The following WNT5B variants were observed in gnomAD, a reference collection of about 807,000 sequenced individuals.
WNT5B encodes protein Wnt-5b.
In WNT5B, 18 loss-of-function variants were observed where a neutral mutation model predicts 36.5. That is an observed-to-expected ratio of 0.49 (90% CI 0.34 to 0.73). The LOEUF (loss-of-function observed/expected upper bound fraction) is 0.73, where lower values mean the gene tolerates loss of function less well. WNT5B is among the 30% of genes least tolerant of loss of function. The pLI, the probability that WNT5B is intolerant of heterozygous loss-of-function variation, is 0.01. For missense variants in WNT5B, 424 were observed against 508.4 expected (o/e 0.83, Z 1.60); for synonymous variants, 213 against 212.3 (o/e 1.00, Z -0.03).
Position 1,632,508 on chromosome 12 carries a change from G to A in WNT5B, c.81-150G>A. The A allele has an allele frequency of 8.6e-7, 1 of 1,157,888 alleles. No individual in the cohort carries two copies. Among genetic ancestry groups the A allele is most frequent in the Non-Finnish European group, 1.2e-6 (1 of 830,750 alleles). The allele number at this position is 1,157,888 out of a possible 1,614,324, so 71.7% of individuals were successfully genotyped here. ...AGATTCCTTCAGTTTGTCCTTTGAA[G>A]GCCAGCACTCTGATTTACTAATTTT... is the stretch of plus-strand genomic sequence containing the variant. On this transcript the variant is annotated intron_variant, in intron 2 of 4. Transcript: ENST00000397196. The surrounding 1 kb of genome is among the most constrained non-coding windows in gnomAD (Gnocchi z 5.8).
chr12:1,632,292 C>T lies in WNT5B; in HGVS notation c.81-366C>T, dbSNP rs1485297568. Among the ~76,000 whole-genome samples, 1 of 152,118 alleles carries T rather than the reference C, an allele frequency of 6.6e-6. No individual in the cohort carries two copies. Among genetic ancestry groups the T allele is most frequent in the Non-Finnish European group, 1.5e-5 (1 of 68,030 alleles). ...CCCTCTATTAAAATGAAGAGCTGCT[C>T]CCCACCCCTCGTCTTCTTATCTGCC... On this transcript the variant is annotated intron_variant, in intron 2 of 4. Coordinates refer to ENST00000397196, the MANE Select transcript of WNT5B (RefSeq NM_032642.3). This position sits in a 1 kb window ranked among gnomAD's most constrained non-coding sequence, Gnocchi z 5.8.
intron 4 of WNT5B, 97 bp from the exon 5 acceptor site, chr12:1,645,697 G>C: frequency 8.8e-7 from 1 of 1,142,530 alleles, no homozygotes; most frequent in Middle Eastern, 2.7e-4. Flanking sequence ...TACCCTACCG[G>C]CCCCTCCTGT....
Position 1,646,820 on chromosome 12 carries a change from A to C in WNT5B, c.*568A>C, listed in dbSNP as rs536986886. On this transcript the variant is annotated 3_prime_UTR_variant, in exon 5 of 5. Coordinates refer to ENST00000397196, the MANE Select transcript of WNT5B (RefSeq NM_032642.3). Reference sequence around the variant, plus strand: ...GCTCCTTCCCTAAAATGAGAAGTCCAAGGTCATCTCTGGCCCAGTGACCAC... The same window carrying C: ...GCTCCTTCCCTAAAATGAGAAGTCCCAGGTCATCTCTGGCCCAGTGACCAC... 4.6e-5 allele frequency: 7 copies of C among 152,364 alleles called. No individual in the cohort carries two copies. The East Asian group carries it at 1.3e-3, about 29-fold the overall frequency. 9.4% of individuals were successfully genotyped at this position (152,364 alleles called of 1,614,324 possible).
intron 4 of WNT5B, among the ~76,000 whole-genome samples, chr12:1,641,528 C>T (rs771292835): frequency 4.0e-5 from 6 of 151,650 alleles, no homozygotes; most frequent in Admixed American, 6.6e-5. Context: ...AGAGGCGGGG[C>T]ACGGTGGCTG....
At position 1,630,266 on chromosome 12, in the gene WNT5B, G is replaced by A. The variant is rs2094547902; in HGVS notation, c.-58+895G>A. 14 of 982,498 alleles carry A rather than the reference G, an allele frequency of 1.4e-5. No individual in the cohort carries two copies. Among genetic ancestry groups the A allele is most frequent in the Non-Finnish European group, 1.7e-5 (14 of 827,304 alleles). 60.9% of individuals were successfully genotyped at this position (982,498 alleles called of 1,614,324 possible). ...GGAGGCCGCTGGGGGCGCGGGTCAC[G>A]CCCAGACGGGGGCCCCGGAGGACCG... is the stretch of plus-strand genomic sequence containing the variant. On this transcript the variant is annotated intron_variant, in intron 1 of 4. Coordinates refer to ENST00000397196, the MANE Select transcript of WNT5B (RefSeq NM_032642.3). The surrounding 1 kb of genome is among the most constrained non-coding windows in gnomAD (Gnocchi z 5.3).
intron 3 of WNT5B, 76 bp from the exon 4 acceptor site, chr12:1,639,608 C>G: frequency 7.1e-7 from 1 of 1,418,284 alleles, no homozygotes; most frequent in Non-Finnish European, 9.2e-7. Context: ...GCGGGTCCGT[C>G]GGGGGAGACG....
At chr12:1,634,151 A>G (rs565613197) in intron 3 of WNT5B, among the ~76,000 whole-genome samples, 2 of 152,336 alleles carry the variant, frequency 1.3e-5, no homozygotes, top group South Asian at 4.1e-4. Flanking sequence ...CAGGGTGCAT[A>G]AAAGGAAGGT....
At position 1,639,940 on chromosome 12, in the gene WNT5B, G is replaced by A. The variant is rs1460576871; in HGVS notation, c.585G>A (p.Val195=). 2 of 1,613,844 alleles carry A rather than the reference G, an allele frequency of 1.2e-6. No homozygotes were observed. The highest frequency in any genetic ancestry group is 1.1e-5 in the South Asian group (1 of 91,052). ...AAGGATCAGAGGAGCAGGGCCGGGTGCTCATGAACCTGCAAAACAACGAGG... is the reference window on the plus strand; with the variant it reads ...AAGGATCAGAGGAGCAGGGCCGGGTACTCATGAACCTGCAAAACAACGAGG... ...FAKGSEEQGR[V]LMNLQNNEAG... Residue 195 remains valine, a synonymous_variant, in exon 4 of 5, where the codon GTG becomes GTA. Transcript: ENST00000397196.
chr12:1,623,353 A>G (rs6489304), intron 1 of WNT5B, among the ~76,000 whole-genome samples: 81,136 of 148,098 alleles, frequency 0.55, 22,182 homozygotes, highest in African/African-American at 0.63. Context: ...CCACCACCAC[A>G]CCCAGCTAAT....
chr12:1,631,471 G>C, intron 2 of WNT5B, 37 bp downstream of exon 2: 2 of 1,613,398 alleles, frequency 1.2e-6, no homozygotes, highest in Non-Finnish European at 1.7e-6. Context: ...CTGCACAGCC[G>C]GAGGCCTCCT....
chr12:1,640,922 GTCT>G (rs2094573951), intron 4 of WNT5B, among the ~76,000 whole-genome samples: 1 of 152,234 alleles, frequency 6.6e-6, no homozygotes, highest in African/African-American at 2.4e-5. Flanking sequence ...TCTGAGAAAG[GTCT>G]GCGGTCTGAG....
upstream of WNT5B, among the ~76,000 whole-genome samples, chr12:1,626,772 A>G (rs902885350): frequency 4.6e-5 from 7 of 150,706 alleles, no homozygotes; most frequent in East Asian, 2.0e-4. Flanking sequence ...TCACCGTGTT[A>G]GCCAGGATGG....
intron 4 of WNT5B, among the ~76,000 whole-genome samples, chr12:1,643,596 C>T (rs1445500617): frequency 1.3e-5 from 2 of 151,738 alleles, no homozygotes; most frequent in Non-Finnish European, 2.9e-5. Context: ...GAACTCCCGA[C>T]CTCAGGTGAT....
At chr12:1,631,916 G>A (rs1363401006) in intron 2 of WNT5B, among the ~76,000 whole-genome samples, 1 of 152,144 alleles carries the variant, frequency 6.6e-6, no homozygotes, top group Non-Finnish European at 1.5e-5. Flanking sequence ...AATGGCAGGC[G>A]ATCACCACCT....
chr12:1,646,076 C>T lies in WNT5B; in HGVS notation c.904C>T (p.Arg302Cys), dbSNP rs1055138580. ...ESTGSLGTQG[R>C]LCNKTSEGMD... ...CACGGGCTCCCTGGGCACGCAGGGC[C>T]GCCTCTGCAACAAGACCTCGGAGGG... The change falls in exon 5 of 5, where the codon CGC (arginine) becomes TGC (cysteine). Residue 302 changes from arginine to cysteine, a missense_variant. By Grantham distance (180) the Arg-to-Cys change is radical. Transcript: ENST00000397196. The T allele has an allele frequency of 5.0e-6, 8 of 1,613,858 alleles. No individual in the cohort carries two copies. Among genetic ancestry groups the T allele is most frequent in the Non-Finnish European group, 6.8e-6 (8 of 1,180,040 alleles).
At chr12:1,643,508 A>G (rs773943723) in intron 4 of WNT5B, among the ~76,000 whole-genome samples, 3 of 151,980 alleles carry the variant, frequency 2.0e-5, no homozygotes, top group Admixed American at 6.6e-5. Context: ...TGGGATTACA[A>G]GCATGTGCCA....
upstream of WNT5B, among the ~76,000 whole-genome samples, chr12:1,625,622 C>T (rs545924452): frequency 8.5e-5 from 13 of 152,278 alleles, no homozygotes; most frequent in African/African-American, 3.1e-4. Context: ...CCCTGTTATG[C>T]CAGGAATGTT....
chr12:1,632,953 CG>C lies in WNT5B; in HGVS notation c.328+49del, dbSNP rs752370480. On this transcript the variant is annotated intron_variant, in intron 3 of 4. Transcript: ENST00000397196. This position sits in a 1 kb window ranked among gnomAD's most constrained non-coding sequence, Gnocchi z 5.8. The stretch of plus-strand genomic sequence containing the variant: ...CTCGGCCAAGGAACTGCACTCGTCT[CG>C]TTTGGGAGCAATTAAGCTCTCTCAG... 2 of 1,557,494 alleles carry C rather than the reference CG, an allele frequency of 1.3e-6. No homozygotes were observed. Among genetic ancestry groups the C allele is most frequent in the Non-Finnish European group, 1.7e-6 (2 of 1,147,832 alleles).
chr12:1,637,734 A>T (rs1374136596), intron 3 of WNT5B, among the ~76,000 whole-genome samples: 2 of 151,524 alleles, frequency 1.3e-5, no homozygotes, highest in Non-Finnish European at 2.9e-5. Context: ...TGGGTGACAG[A>T]CTGAGACTCT....
Sources: gnomAD v4.1 joint callset for allele counts (sites outside exome capture counted in the v4.1 genomes callset) on GRCh38, gnomAD v4.1.1 for gene constraint, Gnocchi (gnomAD v3.1) non-coding constraint, MANE v1.5 for transcripts, NCBI Gene and HGNC (gene_info 2026-07-23, HGNC 2026-07-21) for gene names.